ZNF813: variants seen among roughly 807,000 people sequenced by gnomAD.
The protein encoded by ZNF813 is zinc finger protein 813.
A neutral mutation model predicts 7.2 loss-of-function variants in ZNF813; 3 were observed. That is an observed-to-expected ratio of 0.42 (90% CI 0.19 to 1.08). ZNF813 has a LOEUF of 1.08. ZNF813 is among the 50% of genes least tolerant of loss of function. The probability of loss-of-function intolerance (pLI) is 0.30; values close to 1 mark genes in which losing one functional copy is unlikely to be tolerated. For synonymous variants in ZNF813, 227 were observed against 256.3 expected (o/e 0.89, Z 1.09); for missense variants, 714 against 753.3 (o/e 0.95, Z 0.61).
At chr19:53,482,712 G>GGTT (rs2086414440) in intron 1 of ZNF813, among the ~76,000 whole-genome samples, 1 of 89,090 alleles carries the variant, frequency 1.1e-5, no homozygotes, top group Non-Finnish European at 2.1e-5. Context: ...AATGCTTTTT[G>GGTT]TTTTTTTTTT....
At chr19:53,469,935 C>T (rs897441158) in intron 1 of ZNF813, among the ~76,000 whole-genome samples, 6 of 151,352 alleles carry the variant, frequency 4.0e-5, no homozygotes, top group Non-Finnish European at 7.4e-5. Context: ...TACGCACCGG[C>T]TCAGTGGATT....
rs767439779 is a variant in ZNF813, at chr19:53,491,058, T to C, written c.826T>C (p.Cys276Arg). 6.2e-7 allele frequency: 1 copy of C among 1,614,134 alleles called. No homozygotes were observed. Among genetic ancestry groups the C allele is most frequent in the Non-Finnish European group, 8.5e-7 (1 of 1,180,020 alleles). Residue 276 changes from cysteine to arginine, a missense_variant, in exon 4 of 4, where the codon TGT (cysteine) becomes CGT (arginine). This residue lies in a region of ZNF813 where 563 missense variants were observed against 554.2 expected (regional missense o/e 1.02). Coordinates refer to ENST00000396403, the MANE Select transcript of ZNF813 (RefSeq NM_001004301.4). Reference sequence around the variant, plus strand: ...GGAGAAACCTTACAGGTGTAATGAGTGTGGCAAGACTTTCAGTCAGACGTA... The same window carrying C: ...GGAGAAACCTTACAGGTGTAATGAGCGTGGCAAGACTTTCAGTCAGACGTA... Reference protein sequence around the residue: ...TGEKPYRCNECGKTFSQTYSL... With the variant: ...TGEKPYRCNERGKTFSQTYSL...
In ZNF813 at chr19:53,491,869, C is replaced by T; in HGVS notation, c.1637C>T (p.Thr546Ile). The change falls in exon 4 of 4, where the codon ACT becomes ATT. Residue 546 changes from threonine to isoleucine, a missense_variant. Thr to Ile is a moderately conservative substitution (Grantham distance 89). Around this residue, in one of 3 missense-constraint regions of ZNF813, gnomAD observed 122 missense variants for 146.8 expected, o/e 0.83. Transcript: ENST00000396403. The stretch of plus-strand genomic sequence containing the variant: ...CTTGCACATCATCATAGACTTCATA[C>T]TGGAGATAAACCTTACAAGTGTAAT... ...THLAHHHRLH[T>I]GDKPYKCNEC... The T allele has an allele frequency of 6.2e-7, 1 of 1,613,392 alleles. No homozygotes were observed. The highest frequency in any genetic ancestry group is 8.5e-7 in the Non-Finnish European group (1 of 1,179,496).
chr19:53,491,979 G>T lies in ZNF813; in HGVS notation c.1747G>T (p.Glu583Ter), dbSNP rs756095924. The T allele has an allele frequency of 1.2e-5, 19 of 1,613,886 alleles. No individual in the cohort carries two copies. Among genetic ancestry groups the T allele is most frequent in the Non-Finnish European group, 1.5e-5 (18 of 1,179,972 alleles). ...HTGEKPYKCN[E>*]CGKVFNQKAN... ...TGGAGAGAAACCTTACAAGTGTAAT[G>T]AATGTGGCAAGGTTTTTAATCAAAA... Residue 583 changes from glutamate (E) to a stop codon, truncating the protein, a stop_gained, in exon 4 of 4, where the codon GAA (glutamate) becomes TAA (stop). Coordinates refer to ENST00000396403, the MANE Select transcript of ZNF813 (RefSeq NM_001004301.4). LOFTEE classifies it low-confidence loss of function (END_TRUNC).
Position 53,492,810 on chromosome 19 carries a change from C to G in ZNF813, c.*724C>G, listed in dbSNP as rs2086470156. 4.1e-6 allele frequency: 2 copies of G among 493,444 alleles called. No individual in the cohort carries two copies. The highest frequency in any genetic ancestry group is 8.0e-6 in the Non-Finnish European group (2 of 250,128). 30.6% of individuals were successfully genotyped at this position (493,444 alleles called of 1,614,324 possible). A position where few individuals can be genotyped will look rare whatever the true frequency, so the allele number is the denominator to read the frequency against. ...AACCTTATAAATGTCATGATTGAGG[C>G]AAGGTCTTCAGTCAAGCTTCATCCT... On this transcript the variant is annotated 3_prime_UTR_variant, in exon 4 of 4. Transcript: ENST00000396403.
chr19:53,481,181 A>G (rs2086406470), intron 1 of ZNF813, among the ~76,000 whole-genome samples: 2 of 152,082 alleles, frequency 1.3e-5, no homozygotes, highest in African/African-American at 2.4e-5. Context: ...GGAGTGCTAG[A>G]AGCAAGGAAG....
At chr19:53,479,282 G>A in intron 1 of ZNF813, 1 of 1,454,656 alleles carries the variant, frequency 6.9e-7, no homozygotes, top group South Asian at 1.2e-5. Context: ...CATAATCATG[G>A]AGAGGAGGCT....
Position 53,493,107 on chromosome 19 carries a change from TG to T in ZNF813, c.*1024del, listed in dbSNP as rs2086471456. 5.8e-6 allele frequency: 2 copies of T among 346,632 alleles called. No homozygotes were observed. Among genetic ancestry groups the T allele is most frequent in the Non-Finnish European group, 5.7e-6 (1 of 176,262 alleles). The allele number at this position is 346,632 out of a possible 1,614,324, so 21.5% of individuals were successfully genotyped here. A position where few individuals can be genotyped will look rare whatever the true frequency, so the allele number is the denominator to read the frequency against. On this transcript the variant is annotated 3_prime_UTR_variant, in exon 4 of 4. Coordinates refer to ENST00000396403, the MANE Select transcript of ZNF813 (RefSeq NM_001004301.4). Reference sequence around the variant, plus strand: ...ATTAAAGTGTTTATGTTAAGAGGATTGGGCCAGGTACAGTGTCTCACACCTG... The same window carrying T: ...ATTAAAGTGTTTATGTTAAGAGGATTGGCCAGGTACAGTGTCTCACACCTG...
At position 53,495,155 on chromosome 19, in the gene ZNF813, G is replaced by A. The variant is rs548064972; in HGVS notation, c.*3069G>A. 1.3e-5 allele frequency: 2 copies of A among 152,314 alleles called. No homozygotes were observed. Among genetic ancestry groups the A allele is most frequent in the South Asian group, 4.1e-4 (2 of 4,826 alleles). 9.4% of individuals were successfully genotyped at this position (152,314 alleles called of 1,614,324 possible). On this transcript the variant is annotated 3_prime_UTR_variant, in exon 4 of 4. Transcript: ENST00000396403. Reference sequence around the variant, plus strand: ...AAATGGATAACTTAGTTTGAGTTGGGACAAGACAATGTTGAAGGTGATGCA... The same window carrying A: ...AAATGGATAACTTAGTTTGAGTTGGAACAAGACAATGTTGAAGGTGATGCA...
At chr19:53,479,246 T>G in intron 1 of ZNF813, 1 of 1,169,580 alleles carries the variant, frequency 8.6e-7, no homozygotes, top group Non-Finnish European at 1.2e-6. Flanking sequence ...AGATAAATCT[T>G]AGTTTTCAAA....
rs995190649 is a variant in ZNF813 at position 53,495,738 on chromosome 19, G to A, written c.*3652G>A. 6.6e-6 allele frequency: 1 copy of A among 152,296 alleles called. No homozygotes were observed. The highest frequency in any genetic ancestry group is 2.4e-5 in the African/African-American group (1 of 41,316). 9.4% of individuals were successfully genotyped at this position (152,296 alleles called of 1,614,324 possible). On this transcript the variant is annotated 3_prime_UTR_variant, in exon 4 of 4. Coordinates refer to ENST00000396403, the MANE Select transcript of ZNF813 (RefSeq NM_001004301.4). ...AGGCTGCATTATCGCTTTAACCTGGGGGGCGGAGGTTGCAGTGAGCCAAGA... is the reference window on the plus strand; with the variant it reads ...AGGCTGCATTATCGCTTTAACCTGGAGGGCGGAGGTTGCAGTGAGCCAAGA...
chr19:53,484,444 C>A (rs554182364), intron 2 of ZNF813, among the ~76,000 whole-genome samples: 7 of 152,282 alleles, frequency 4.6e-5, no homozygotes, highest in South Asian at 2.1e-4. Context: ...GAGATTCATT[C>A]AACCATTCTT....
rs2086453334 is a variant in ZNF813, at chr19:53,490,377, A to G, written c.145A>G (p.Ile49Val). 1.2e-6 allele frequency: 2 copies of G among 1,614,000 alleles called. No individual in the cohort carries two copies. The highest frequency in any genetic ancestry group is 2.2e-5 in the East Asian group (1 of 44,880). The change falls in exon 4 of 4, where the codon ATC becomes GTC. Residue 49 changes from isoleucine to valine, a missense_variant and splice_region_variant. Ile to Val is a conservative substitution (Grantham distance 29). Around this residue, in one of 3 missense-constraint regions of ZNF813, gnomAD observed 563 missense variants for 554.2 expected, o/e 1.02. Coordinates refer to ENST00000396403, the MANE Select transcript of ZNF813 (RefSeq NM_001004301.4). Reference sequence around the variant, plus strand: ...CTATTCGTGTTTATATTTTGTAGATATCTCTTCCAAATGCATGATGAAGGA... The same window carrying G: ...CTATTCGTGTTTATATTTTGTAGATGTCTCTTCCAAATGCATGATGAAGGA... ...ENYRNLVSLD[I>V]SSKCMMKEFS... is the part of the protein sequence containing the mutation.
chr19:53,468,195 A>C (rs1046426220), intron 1 of ZNF813, among the ~76,000 whole-genome samples: 1,747 of 64,292 alleles, frequency 0.027, no homozygotes, highest in Admixed American at 0.03. Flanking sequence ...TGCAGACCCC[A>C]CCCTTGTCTT....
intron 1 of ZNF813, among the ~76,000 whole-genome samples, chr19:53,477,579 C>G (rs774895655): frequency 6.6e-6 from 1 of 152,020 alleles, no homozygotes; most frequent in Non-Finnish European, 1.5e-5. Flanking sequence ...ATTTTTGGAG[C>G]CTGGGGCAAG....
chr19:53,477,333 G>T (rs960010108), intron 1 of ZNF813, among the ~76,000 whole-genome samples: 3 of 152,142 alleles, frequency 2.0e-5, no homozygotes, highest in Non-Finnish European at 2.9e-5. Flanking sequence ...CAGATGCCCT[G>T]TATGGATTTT....
intron 3 of ZNF813, among the ~76,000 whole-genome samples, chr19:53,487,797 C>CAAAAA (rs35942754): frequency 7.7e-6 from 1 of 130,066 alleles, no homozygotes. Flanking sequence ...GACTCTGTCT[C>CAAAAA]AAAAAAAAAA....
Position 53,490,451 on chromosome 19 carries a change from A to G in ZNF813, c.219A>G (p.Thr73=). The G allele has an allele frequency of 1.2e-6, 2 of 1,614,194 alleles. No individual in the cohort carries two copies. Among genetic ancestry groups the G allele is most frequent in the Non-Finnish European group, 1.7e-6 (2 of 1,180,016 alleles). Residue 73 remains threonine (T), a synonymous_variant, in exon 4 of 4, where the codon ACA becomes ACG. Coordinates refer to ENST00000396403, the MANE Select transcript of ZNF813 (RefSeq NM_001004301.4). ...QGNREVIHTG[T]LQRHESHHTG... ...ATAGAGAAGTGATCCACACAGGGAC[A>G]TTGCAAAGACATGAAAGTCATCACA... is the stretch of plus-strand genomic sequence containing the variant.
At position 53,491,796 on chromosome 19, in the gene ZNF813, C is replaced by A. The variant is rs781163427; in HGVS notation, c.1564C>A (p.Pro522Thr). Residue 522 changes from proline (P) to threonine (T), a missense_variant, in exon 4 of 4, where the codon CCT (proline) becomes ACT (threonine). Physicochemically the swap from Pro to Thr is conservative, Grantham distance 38 (BLOSUM62 -1). Transcript: ENST00000396403. ...CHHRLHTGEKPYKCNECGKVF... is the reference protein window; with the variant it reads ...CHHRLHTGEKTYKCNECGKVF... Reference sequence around the variant, plus strand: ...TCATAGACTTCATACTGGAGAGAAACCTTACAAGTGTAATGAATGTGGCAA... The same window carrying A: ...TCATAGACTTCATACTGGAGAGAAAACTTACAAGTGTAATGAATGTGGCAA... 1 of 1,613,612 alleles carries A rather than the reference C, an allele frequency of 6.2e-7. No homozygotes were observed.
Sources: gnomAD v4.1 joint callset for allele counts (sites outside exome capture counted in the v4.1 genomes callset) on GRCh38, gnomAD v4.1.1 for gene constraint, gnomAD v4.1.1 regional missense constraint, MANE v1.5 for transcripts, NCBI Gene and HGNC (gene_info 2026-07-23, HGNC 2026-07-21) for gene names.